CHODL: variants seen among roughly 807,000 people sequenced by gnomAD.
CHODL encodes the protein transmembrane protein MT75.
Under a neutral mutation model 34.5 loss-of-function variants are expected in CHODL, and 29 were observed. The ratio of observed to expected loss-of-function variants is 0.84; its 90% CI spans 0.63 to 1.15. The LOEUF (loss-of-function observed/expected upper bound fraction) is 1.15. Among genes scored for constraint, CHODL ranks in the 50% most tolerant of loss-of-function variants. CHODL has a pLI of 0.00. For missense variants in CHODL, 332 were observed against 332.5 expected (o/e 1.00, Z 0.01); for synonymous variants, 125 against 116.1 (o/e 1.08, Z -0.49).
At chr21:18,059,000 A>G (rs1401927220) in intron 2 of CHODL, among the ~76,000 whole-genome samples, 1 of 152,166 alleles carries the variant, frequency 6.6e-6, no homozygotes, top group Non-Finnish European at 1.5e-5. Flanking sequence ...GGTGTTATGG[A>G]CTAAATTTTG....
intron 1 of CHODL, among the ~76,000 whole-genome samples, chr21:18,019,053 T>C (rs1465935989): frequency 6.6e-6 from 1 of 152,240 alleles, no homozygotes; most frequent in Non-Finnish European, 1.5e-5. Flanking sequence ...TTAGTAATCT[T>C]ATGTAAACAA....
At chr21:18,217,499 A>G (rs1016010608) in intron 2 of CHODL, among the ~76,000 whole-genome samples, 3 of 151,826 alleles carry the variant, frequency 2.0e-5, no homozygotes, top group African/African-American at 7.3e-5. Flanking sequence ...TGCCCCCCCG[A>G]CTCAATAACC....
At chr21:18,226,797 G>T (rs2146748409) in intron 2 of CHODL, among the ~76,000 whole-genome samples, 1 of 152,056 alleles carries the variant, frequency 6.6e-6, no homozygotes, top group Admixed American at 6.6e-5. Context: ...GATTAAAGTA[G>T]TAGTAATTTT....
chr21:18,082,448 G>A (rs1178188519), intron 2 of CHODL, among the ~76,000 whole-genome samples: 2 of 152,060 alleles, frequency 1.3e-5, no homozygotes, highest in South Asian at 2.1e-4. Flanking sequence ...TACTGAAAAT[G>A]TGGAAGTGAC....
intron 2 of CHODL, among the ~76,000 whole-genome samples, chr21:18,169,562 A>G (rs541843931): frequency 2.0e-5 from 3 of 152,146 alleles, no homozygotes; most frequent in African/African-American, 7.2e-5. Flanking sequence ...TTCAAAATAC[A>G]ACTTCTTTTT....
At chr21:18,155,104 C>T (rs575184407) in intron 2 of CHODL, among the ~76,000 whole-genome samples, 33 of 152,258 alleles carry the variant, frequency 2.2e-4, no homozygotes, top group Middle Eastern at 3.4e-3. Flanking sequence ...GTTAGACAGA[C>T]ATATTTATTC....
At chr21:18,247,401 C>T (rs750117318) in intron 1 of CHODL, among the ~76,000 whole-genome samples, 5 of 151,912 alleles carry the variant, frequency 3.3e-5, no homozygotes, top group Non-Finnish European at 7.4e-5. Context: ...AATCACTGAC[C>T]GCAGAAAAAT....
Position 17,956,425 on chromosome 21 carries a change from CTCTTT to C in CHODL, c.-145+39030_-145+39034del, listed in dbSNP as rs2063494623. Among the ~76,000 whole-genome samples, 19 of 136,680 alleles carry C rather than the reference CTCTTT, an allele frequency of 1.4e-4. 4 individuals carry two copies. The highest frequency in any genetic ancestry group is 1.4e-3 in the Admixed American group (19 of 13,890). 89.7% of individuals were successfully genotyped at this position (136,680 alleles called of 152,430 possible). Reference sequence around the variant, plus strand: ...CTCCAGAACTGTGAGCTAATTAAACCTCTTTTCTTATAAATTACCTAGTCTCAGAT... The same window carrying C: ...CTCCAGAACTGTGAGCTAATTAAACCTCTTATAAATTACCTAGTCTCAGAT... On this transcript the variant is annotated intron_variant, in intron 1 of 6. Transcript: ENST00000400127.
intron 2 of CHODL, among the ~76,000 whole-genome samples, chr21:18,078,261 A>G (rs1459205600): frequency 6.6e-6 from 1 of 152,124 alleles, no homozygotes; most frequent in East Asian, 1.9e-4. Flanking sequence ...GCAAAAGGCA[A>G]AGGAGAAGGA....
At chr21:17,927,017 CAT>C (rs1023104578) in intron 1 of CHODL, among the ~76,000 whole-genome samples, 28 of 151,450 alleles carry the variant, frequency 1.8e-4, no homozygotes, top group South Asian at 4.2e-4. Context: ...GACATACACA[CAT>C]ATGTGTATGC....
At chr21:18,174,161 A>ATATATCTTGGT (rs2073276201) in intron 2 of CHODL, among the ~76,000 whole-genome samples, 1 of 85,670 alleles carries the variant, frequency 1.2e-5, no homozygotes, top group African/African-American at 3.3e-5. Flanking sequence ...ATATATATAT[A>ATATATCTTGGT]AAATCAAGTC....
At chr21:18,019,142 C>T (rs1395493788) in intron 1 of CHODL, among the ~76,000 whole-genome samples, 2 of 152,202 alleles carry the variant, frequency 1.3e-5, no homozygotes, top group Non-Finnish European at 2.9e-5. Context: ...ATGCTTGCTA[C>T]ATATTAAGAT....
At chr21:18,250,442 T>A (rs1477010823) in intron 1 of CHODL, among the ~76,000 whole-genome samples, 1 of 151,812 alleles carries the variant, frequency 6.6e-6, no homozygotes, top group Non-Finnish European at 1.5e-5. Flanking sequence ...AAACTTAATT[T>A]AAAATTATAA....
upstream of CHODL, among the ~76,000 whole-genome samples, chr21:18,241,852 G>A (rs1467577405): frequency 1.3e-5 from 2 of 152,140 alleles, no homozygotes; most frequent in African/African-American, 2.4e-5. Flanking sequence ...GAGATTCAGC[G>A]ATCGACTTAT....
At chr21:18,150,669 C>T (rs994500208) in intron 2 of CHODL, among the ~76,000 whole-genome samples, 5 of 152,144 alleles carry the variant, frequency 3.3e-5, no homozygotes, top group Admixed American at 6.5e-5. Context: ...TCCTATGATA[C>T]GCATACACTG....
intron 2 of CHODL, among the ~76,000 whole-genome samples, chr21:18,176,392 C>A (rs1175607371): frequency 6.6e-6 from 1 of 152,112 alleles, no homozygotes; most frequent in Admixed American, 6.5e-5. Context: ...ATTTCATGTT[C>A]ATTGTGCATA....
chr21:18,064,019 T>C (rs1455584606), intron 2 of CHODL, among the ~76,000 whole-genome samples: 1 of 152,214 alleles, frequency 6.6e-6, no homozygotes, highest in Non-Finnish European at 1.5e-5. Context: ...CATACATCTA[T>C]TCTTCCTTGA....
chr21:18,186,067 T>G (rs751665760), intron 2 of CHODL, among the ~76,000 whole-genome samples: 76 of 152,274 alleles, frequency 5.0e-4, no homozygotes, highest in South Asian at 1.5e-3. Context: ...ACCCCTGGCT[T>G]TAGGCATGTT....
intron 2 of CHODL, among the ~76,000 whole-genome samples, chr21:18,235,632 A>G (rs1309179707): frequency 6.6e-6 from 1 of 152,154 alleles, no homozygotes; most frequent in East Asian, 1.9e-4. Context: ...TTCTTATAAA[A>G]TAGAAGAATC....
Sources: allele counts gnomAD v4.1 joint callset (sites outside exome capture counted in the v4.1 genomes callset), GRCh38; gene constraint gnomAD v4.1.1; transcripts MANE v1.5; gene names NCBI Gene and HGNC (gene_info 2026-07-23, HGNC 2026-07-21).